WDR7: variants seen among roughly 807,000 people sequenced by gnomAD.
WDR7 encodes WD repeat-containing protein 7.
A neutral mutation model predicts 169.4 loss-of-function variants in WDR7; 46 were observed. The observed-to-expected ratio is 0.27, with a 90% CI of 0.21 to 0.35. The LOEUF (loss-of-function observed/expected upper bound fraction) is 0.35, where lower values mean the gene tolerates loss of function less well. Among genes scored for constraint, WDR7 ranks in the 10% least tolerant of loss-of-function variants. The probability of loss-of-function intolerance (pLI) is 1.00; values close to 1 mark genes in which losing one functional copy is unlikely to be tolerated. For missense variants in WDR7, 1,534 were observed against 1,859.3 expected (o/e 0.83, Z 3.22); for synonymous variants, 612 against 666.8 (o/e 0.92, Z 1.27).
chr18:56,727,610 A>G (rs2026488858), intron 13 of WDR7, among the ~76,000 whole-genome samples: 1 of 152,150 alleles, frequency 6.6e-6, no homozygotes, highest in African/African-American at 2.4e-5. Flanking sequence ...AGAACAGCAT[A>G]GAGGAAACTG....
chr18:56,793,928 G>A (rs919765909), intron 19 of WDR7, among the ~76,000 whole-genome samples: 4 of 152,132 alleles, frequency 2.6e-5, no homozygotes, highest in African/African-American at 7.2e-5. Flanking sequence ...CAGAGAAATT[G>A]TATTAACCTT....
chr18:56,756,611 C>A lies in WDR7; in HGVS notation c.2018C>A (p.Ser673Tyr). 1 of 1,608,488 alleles carries A rather than the reference C, an allele frequency of 6.2e-7. No homozygotes were observed. Among genetic ancestry groups the A allele is most frequent in the Non-Finnish European group, 8.5e-7 (1 of 1,178,056 alleles). ...KGNLPKYSHN[S>Y]LMVQAIKTNL... ...AATTTACCTAAATATTCTCATAACT[C>A]CCTGATGGTTCAAGCAATAAAGACA... Residue 673 changes from serine (S) to tyrosine (Y), a missense_variant, in exon 15 of 28, where the codon TCC becomes TAC. Ser to Tyr is a moderately radical substitution (Grantham distance 144). Coordinates refer to ENST00000254442, the MANE Select transcript of WDR7 (RefSeq NM_015285.3).
chr18:56,938,980 G>A (rs917538738), intron 24 of WDR7, among the ~76,000 whole-genome samples: 7 of 152,166 alleles, frequency 4.6e-5, no homozygotes, highest in African/African-American at 1.7e-4. Flanking sequence ...TCTGTAATAT[G>A]TAAAGGTTAT....
chr18:56,755,461 C>T (rs1174275686), intron 14 of WDR7, among the ~76,000 whole-genome samples: 4 of 152,154 alleles, frequency 2.6e-5, no homozygotes, highest in Non-Finnish European at 5.9e-5. Context: ...ACAGTGAAAC[C>T]TGTCTTGAGG....
chr18:56,935,544 G>T (rs540002048), intron 22 of WDR7, among the ~76,000 whole-genome samples: 3 of 152,144 alleles, frequency 2.0e-5, no homozygotes, highest in African/African-American at 7.2e-5. Flanking sequence ...TTAACAAGGC[G>T]TTTTTAACAC....
chr18:56,979,029 A>T (rs1398666019), intron 26 of WDR7, among the ~76,000 whole-genome samples: 1 of 152,216 alleles, frequency 6.6e-6, no homozygotes, highest in Non-Finnish European at 1.5e-5. Context: ...GAACTTTAAG[A>T]TGAGTGGAAT....
chr18:56,990,430 T>C (rs748463182), intron 26 of WDR7, among the ~76,000 whole-genome samples: 10 of 152,210 alleles, frequency 6.6e-5, no homozygotes, highest in Non-Finnish European at 1.5e-4. Flanking sequence ...TTTAAACTTC[T>C]TTTTCACAAT....
intron 13 of WDR7, among the ~76,000 whole-genome samples, chr18:56,731,002 C>T (rs1400149087): frequency 2.6e-5 from 4 of 151,824 alleles, no homozygotes; most frequent in South Asian, 4.2e-4. Context: ...AGACTTTTTT[C>T]GTTTAAGATT....
chr18:56,976,624 G>T (rs1467032069), intron 26 of WDR7, among the ~76,000 whole-genome samples: 1 of 152,132 alleles, frequency 6.6e-6, no homozygotes, highest in Non-Finnish European at 1.5e-5. Flanking sequence ...CCACCTCAGG[G>T]TACAACATGG....
At chr18:56,730,650 C>T (rs1248853449) in intron 13 of WDR7, among the ~76,000 whole-genome samples, 2 of 152,152 alleles carry the variant, frequency 1.3e-5, no homozygotes, top group East Asian at 1.9e-4. Context: ...CCTGTGGTCC[C>T]AGCTACTCGG....
In WDR7 at chr18:56,756,773, C is replaced by T; in HGVS notation, c.2180C>T (p.Ser727Leu). The change falls in exon 15 of 28, where the codon TCA (serine) becomes TTA (leucine). Residue 727 changes from serine to leucine, a missense_variant. Ser to Leu is a moderately radical substitution (Grantham distance 145, BLOSUM62 -2). Coordinates refer to ENST00000254442, the MANE Select transcript of WDR7 (RefSeq NM_015285.3). ...PENLQKASGS[S>L]DKGGSFLTGK... ...AATTTGCAAAAAGCATCTGGCAGTT[C>T]AGACAAAGGGGGCTCTTTTTTAACT... 1 of 1,614,062 alleles carries T rather than the reference C, an allele frequency of 6.2e-7. No homozygotes were observed. Among genetic ancestry groups the T allele is most frequent in the African/African-American group, 1.3e-5 (1 of 75,000 alleles).
chr18:56,972,211 A>T (rs536897737), intron 26 of WDR7, among the ~76,000 whole-genome samples: 9 of 152,206 alleles, frequency 5.9e-5, no homozygotes, highest in Admixed American at 3.3e-4. Flanking sequence ...CTAAACAGAA[A>T]TGTCAGCAAA....
In WDR7 at chr18:56,868,924, T is replaced by G. The variant is rs765418608; in HGVS notation, c.3305-11020T>G. On this transcript the variant is annotated intron_variant, in intron 20 of 27. Transcript: ENST00000254442. ...TACTTGGGATTACTAAAATCTCAATTTCCTTTCAAACTGAGAATGTTTGCC... is the reference window on the plus strand; with the variant it reads ...TACTTGGGATTACTAAAATCTCAATGTCCTTTCAAACTGAGAATGTTTGCC... Among the ~76,000 whole-genome samples the G allele has an allele frequency of 5.9e-5, 9 of 152,142 alleles. No homozygotes were observed. In the South Asian group the frequency reaches 1.9e-3, roughly 32 times the overall value.
downstream of WDR7, chr18:57,032,889 T>C (rs976522712): frequency 3.4e-5 from 5 of 145,410 alleles, no homozygotes; most frequent in Admixed American, 1.4e-4. Flanking sequence ...TATAATGCAT[T>C]TGAATCATCC....
chr18:56,907,764 G>A (rs1230326275), intron 21 of WDR7, among the ~76,000 whole-genome samples: 1 of 152,118 alleles, frequency 6.6e-6, no homozygotes, highest in Non-Finnish European at 1.5e-5. Flanking sequence ...TTCTTCCTGA[G>A]AGTCCTCACT....
At chr18:56,901,414 C>T (rs1306649588) in intron 21 of WDR7, among the ~76,000 whole-genome samples, 1 of 151,988 alleles carries the variant, frequency 6.6e-6, no homozygotes, top group Non-Finnish European at 1.5e-5. Context: ...GTTTGAAAAC[C>T]AGGCCATGCC....
rs1431318525 is a variant in WDR7 at position 56,986,129 on chromosome 18, TG to T, written c.4164+23601del. Among the ~76,000 whole-genome samples, 25 of 2,500 alleles carry T rather than the reference TG, an allele frequency of 0.01. No individual in the cohort carries two copies. The East Asian group carries it at 0.28, about 28-fold the overall frequency. 1.6% of individuals were successfully genotyped at this position (2,500 alleles called of 152,430 possible). ...ATAATAGAGCTAATTTCAGCTTCTT[TG>T]TGTGTGTGTGTGTGTGTGTGTGTGT... is the stretch of plus-strand genomic sequence containing the variant. On this transcript the variant is annotated intron_variant, in intron 26 of 27. Transcript: ENST00000254442.
chr18:56,884,737 CA>C (rs781631680), intron 21 of WDR7, among the ~76,000 whole-genome samples: 4 of 152,202 alleles, frequency 2.6e-5, no homozygotes, highest in Non-Finnish European at 4.4e-5. Context: ...AGGACATAAA[CA>C]CTTGGGAGCT....
At chr18:56,891,722 C>T (rs573034121) in intron 21 of WDR7, among the ~76,000 whole-genome samples, 1 of 152,138 alleles carries the variant, frequency 6.6e-6, no homozygotes, top group Admixed American at 6.6e-5. Flanking sequence ...CTGTTCTTTT[C>T]TGTAACATAT....
Sources: gnomAD v4.1 joint callset for allele counts (sites outside exome capture counted in the v4.1 genomes callset) on GRCh38, gnomAD v4.1.1 for gene constraint, MANE v1.5 for transcripts, NCBI Gene and HGNC (gene_info 2026-07-23, HGNC 2026-07-21) for gene names.